Variants in NRCAM observed in about 807,000 individuals in gnomAD.
NRCAM encodes the protein NgCAM-related cell adhesion molecule.
A neutral mutation model predicts 156.5 loss-of-function variants in NRCAM; 83 were observed. The observed-to-expected ratio is 0.53, with a 90% CI of 0.44 to 0.64. The LOEUF (loss-of-function observed/expected upper bound fraction) is 0.64, where lower values mean the gene tolerates loss of function less well. Among genes scored for constraint, NRCAM ranks in the 30% least tolerant of loss-of-function variants. The pLI is 0.00. For missense variants in NRCAM, 1,417 were observed against 1,597.3 expected (o/e 0.89, Z 1.92); for synonymous variants, 538 against 563.9 (o/e 0.95, Z 0.65).
chr7:108,374,926 G>C (rs1442177258), intron 2 of NRCAM, among the ~76,000 whole-genome samples: 1 of 152,118 alleles, frequency 6.6e-6, no homozygotes, highest in Non-Finnish European at 1.5e-5. Flanking sequence ...GTTCCTTACT[G>C]ATTAGCAATA....
intron 3 of NRCAM, among the ~76,000 whole-genome samples, chr7:108,248,030 T>G (rs1334566479): frequency 6.6e-6 from 1 of 152,158 alleles, no homozygotes; most frequent in Non-Finnish European, 1.5e-5. Context: ...TGAATATGGG[T>G]CTTCAGAGCA....
In NRCAM at chr7:108,149,880, G is replaced by A. The variant is rs952898910; in HGVS notation, c.*30C>T. Reference sequence around the variant, plus strand: ...AAGTGCTTAGGATAAACATTCTAGAGAAATGGAATATTGGCAAAGAGCTTA... The same window carrying A: ...AAGTGCTTAGGATAAACATTCTAGAAAAATGGAATATTGGCAAAGAGCTTA... On this transcript the variant is annotated 3_prime_UTR_variant, in exon 33 of 33. Coordinates refer to ENST00000379028, the MANE Select transcript of NRCAM (RefSeq NM_001037132.4). 1 of 1,561,548 alleles carries A rather than the reference G, an allele frequency of 6.4e-7. No homozygotes were observed. The highest frequency in any genetic ancestry group is 8.8e-7 in the Non-Finnish European group (1 of 1,142,568).
chr7:108,168,410 T>A lies in NRCAM; in HGVS notation c.3188-8A>T, dbSNP rs777320061. ...TGGGATTTACTGCTTGAACTAAACA[T>A]ACAATAGAAAAATAAAACAAACAAT... On this transcript the variant is annotated splice_region_variant and splice_polypyrimidine_tract_variant and intron_variant, in intron 28 of 32. Transcript: ENST00000379028. 3 of 1,588,246 alleles carry A rather than the reference T, an allele frequency of 1.9e-6. 1 individual carries two copies. The highest frequency in any genetic ancestry group is 2.6e-6 in the Non-Finnish European group (3 of 1,171,320).
chr7:108,454,813 G>C (rs915439076), intron 1 of NRCAM, among the ~76,000 whole-genome samples: 12 of 152,224 alleles, frequency 7.9e-5, no homozygotes, highest in African/African-American at 2.7e-4. Flanking sequence ...GGGCGAGGAA[G>C]AGCCCAGTCT....
intron 2 of NRCAM, among the ~76,000 whole-genome samples, chr7:108,362,659 G>A (rs927266151): frequency 2.0e-5 from 3 of 152,152 alleles, no homozygotes; most frequent in East Asian, 1.9e-4. Flanking sequence ...GCTGGAATGG[G>A]AGTTTACAGA....
intron 20 of NRCAM, among the ~76,000 whole-genome samples, chr7:108,185,462 G>C (rs866765243): frequency 1.3e-5 from 2 of 152,154 alleles, no homozygotes; most frequent in African/African-American, 2.4e-5. Flanking sequence ...TCAGCCAAGT[G>C]CGGTGGCTCA....
chr7:108,391,690 C>T (rs1387507483), intron 2 of NRCAM, among the ~76,000 whole-genome samples: 2 of 152,128 alleles, frequency 1.3e-5, no homozygotes, highest in African/African-American at 4.8e-5. Flanking sequence ...TACAATTTGG[C>T]ATGTTTTTGC....
chr7:108,375,437 T>G (rs550836626), intron 2 of NRCAM, among the ~76,000 whole-genome samples: 2 of 152,118 alleles, frequency 1.3e-5, no homozygotes, highest in African/African-American at 2.4e-5. Context: ...AAGTGAAAGG[T>G]CCACTGCCAA....
chr7:108,153,202 A>T (rs983961457), intron 32 of NRCAM, among the ~76,000 whole-genome samples: 1 of 152,110 alleles, frequency 6.6e-6, no homozygotes, highest in Non-Finnish European at 1.5e-5. Context: ...CCCCAAACAA[A>T]CCATGACCAA....
At chr7:108,193,964 T>A in intron 17 of NRCAM, 60 bp downstream of exon 17, 2 of 1,538,194 alleles carry the variant, frequency 1.3e-6, no homozygotes, top group Admixed American at 3.5e-5. Flanking sequence ...AGTAGACCTT[T>A]AGTTCAAGAA....
intron 3 of NRCAM, among the ~76,000 whole-genome samples, chr7:108,249,808 A>G (rs1295405653): frequency 6.6e-6 from 1 of 152,222 alleles, no homozygotes; most frequent in Admixed American, 6.5e-5. Context: ...CCCTTTTTCT[A>G]TAAAACCACA....
chr7:108,152,528 G>A (rs1003296299), intron 32 of NRCAM, among the ~76,000 whole-genome samples: 5 of 32,024 alleles, frequency 1.6e-4, no homozygotes, highest in Non-Finnish European at 5.6e-5. Flanking sequence ...AGTGAGACAG[G>A]AAGCCCTGGG....
intron 3 of NRCAM, among the ~76,000 whole-genome samples, chr7:108,293,703 T>A (rs963792923): frequency 6.6e-6 from 1 of 152,200 alleles, no homozygotes; most frequent in Non-Finnish European, 1.5e-5. Context: ...TCTAAAAGGT[T>A]TTCATATGTA....
At chr7:108,191,586 T>G in intron 18 of NRCAM, 143 bp downstream of exon 18, 3 of 1,001,496 alleles carry the variant, frequency 3.0e-6, no homozygotes, top group Non-Finnish European at 4.2e-6. Context: ...CTCCAAGGCA[T>G]CTTTCAAAGA....
intron 20 of NRCAM, among the ~76,000 whole-genome samples, chr7:108,185,186 G>C (rs1189907388): frequency 6.6e-6 from 1 of 152,136 alleles, no homozygotes; most frequent in East Asian, 1.9e-4. Flanking sequence ...GGAAGTGTAA[G>C]TTGGGACAAC....
intron 13 of NRCAM, among the ~76,000 whole-genome samples, chr7:108,201,918 G>C (rs963690465): frequency 2.6e-5 from 4 of 152,090 alleles, no homozygotes; most frequent in Non-Finnish European, 5.9e-5. Flanking sequence ...TTAAGTACTT[G>C]TTTAAAAAAT....
chr7:108,196,629 T>C (rs1482051231), intron 14 of NRCAM, among the ~76,000 whole-genome samples: 1 of 152,002 alleles, frequency 6.6e-6, no homozygotes, highest in East Asian at 1.9e-4. Flanking sequence ...AAAACCACAA[T>C]GAGATATTAT....
At position 108,383,153 on chromosome 7, in the gene NRCAM, C is replaced by CACACACACAA. The variant is rs10669547; in HGVS notation, c.-174+16282_-174+16283insTTGTGTGTGT. 9.1e-3 allele frequency among the ~76,000 whole-genome samples: 1,385 copies of CACACACACAA among 151,590 alleles called. 6 individuals carry two copies. The highest frequency in any genetic ancestry group is 0.02 in the Middle Eastern group (6 of 294). On this transcript the variant is annotated intron_variant, in intron 2 of 32. Coordinates refer to ENST00000379028, the MANE Select transcript of NRCAM (RefSeq NM_001037132.4). ...ACACACGCTCTCACACACACACACA[C>CACACACACAA]ACCCCTTGGTGTTGCCTAGGCAAAC...
At chr7:108,414,041 A>G (rs1290276341) in intron 1 of NRCAM, among the ~76,000 whole-genome samples, 2 of 152,142 alleles carry the variant, frequency 1.3e-5, no homozygotes, top group Non-Finnish European at 2.9e-5. Flanking sequence ...CTACATTCCA[A>G]CGAAGCACCC....
Sources: allele counts gnomAD v4.1 joint callset (sites outside exome capture counted in the v4.1 genomes callset), GRCh38; gene constraint gnomAD v4.1.1; transcripts MANE v1.5; gene names NCBI Gene and HGNC (gene_info 2026-07-23, HGNC 2026-07-21).